The following CPT1C variants were observed in gnomAD, a reference collection of about 807,000 sequenced individuals.
The protein encoded by CPT1C is palmitoyl thioesterase CPT1C.
In CPT1C, 61 loss-of-function variants were observed where a neutral mutation model predicts 97.3. The ratio of observed to expected loss-of-function variants is 0.63; its 90% CI spans 0.51 to 0.78. CPT1C has a LOEUF of 0.78. Among genes scored for constraint, CPT1C ranks in the 30% least tolerant of loss-of-function variants. The pLI is 0.00. For missense variants in CPT1C, 975 were observed against 1,065.5 expected (o/e 0.92, Z 1.18); for synonymous variants, 469 against 447.2 (o/e 1.05, Z -0.61).
chr19:49,695,090 G>A (rs557852391), intron 3 of CPT1C, among the ~76,000 whole-genome samples: 13 of 150,212 alleles, frequency 8.7e-5, no homozygotes, highest in African/African-American at 2.4e-4. Flanking sequence ...GCAGTGAGCC[G>A]AGATCGTGCC....
Position 49,706,212 on chromosome 19 carries a change from C to T in CPT1C, c.1161-19C>T. 2 of 1,537,758 alleles carry T rather than the reference C, an allele frequency of 1.3e-6. No individual in the cohort carries two copies. The highest frequency in any genetic ancestry group is 1.3e-5 in the South Asian group (1 of 79,454). On this transcript the variant is annotated intron_variant, in intron 11 of 19. Coordinates refer to ENST00000598293, the MANE Select transcript of CPT1C (RefSeq NM_001199753.2). The surrounding 1 kb of genome is among the most constrained non-coding windows in gnomAD (Gnocchi z 4.8). ...GGCGGCTGGGCAGGATGGACTCAGG[C>T]ACATCCCGGGCCCTCCAGGGGCACG...
intron 17 of CPT1C, chr19:49,712,320 G>A (rs1216201833): frequency 3.3e-6 from 1 of 304,152 alleles, no homozygotes; most frequent in Non-Finnish European, 6.0e-6. Flanking sequence ...CTCCAGCCTG[G>A]ACGACAGAGC....
rs777169912 is a variant in CPT1C, at chr19:49,705,293, A to G, written c.959A>G (p.Gln320Arg). 6.3e-7 allele frequency: 1 copy of G among 1,594,924 alleles called. No individual in the cohort carries two copies. The highest frequency in any genetic ancestry group is 8.6e-7 in the Non-Finnish European group (1 of 1,166,304). ...AACACCACGCGGATTCCAGGGGTCC[A>G]AAAAGGTGAGACCCTCTCCTGTCCC... The part of the protein sequence containing the change: ...IFNTTRIPGV[Q>R]KDYIRHLHDS... The change falls in exon 10 of 20, where the codon CAA becomes CGA. Residue 320 changes from glutamine to arginine, a missense_variant. By Grantham distance (43) the Gln-to-Arg change is conservative. Coordinates refer to ENST00000598293, the MANE Select transcript of CPT1C (RefSeq NM_001199753.2).
Position 49,700,676 on chromosome 19 carries a change from C to T in CPT1C, c.282-8C>T. 1 of 1,606,062 alleles carries T rather than the reference C, an allele frequency of 6.2e-7. No homozygotes were observed. Among genetic ancestry groups the T allele is most frequent in the Non-Finnish European group, 8.5e-7 (1 of 1,179,782 alleles). ...ACCCAGGCCCAGCCTCTGTTTCTCTCCCCGCAGGGGTGGACAACACCACGG... is the reference window on the plus strand; with the variant it reads ...ACCCAGGCCCAGCCTCTGTTTCTCTTCCCGCAGGGGTGGACAACACCACGG... On this transcript the variant is annotated splice_polypyrimidine_tract_variant and splice_region_variant and intron_variant, in intron 4 of 19. Coordinates refer to ENST00000598293, the MANE Select transcript of CPT1C (RefSeq NM_001199753.2).
chr19:49,707,075 G>A (rs1031717980), intron 12 of CPT1C, among the ~76,000 whole-genome samples: 13 of 152,126 alleles, frequency 8.5e-5, no homozygotes, highest in African/African-American at 3.1e-4. Flanking sequence ...AGGAGTTTGA[G>A]ACCAGCCTGG....
rs977065972 is a variant in CPT1C, at chr19:49,706,680, C to G, written c.1343+267C>G. 1.3e-5 allele frequency among the ~76,000 whole-genome samples: 2 copies of G among 152,030 alleles called. No homozygotes were observed. The highest frequency in any genetic ancestry group is 2.9e-5 in the Non-Finnish European group (2 of 68,012). ...GAGACTCCCAAACCCCTGAGCTGGACCCTCCGACCCAGAGAACTCAGCATC... is the reference window on the plus strand; with the variant it reads ...GAGACTCCCAAACCCCTGAGCTGGAGCCTCCGACCCAGAGAACTCAGCATC... On this transcript the variant is annotated intron_variant, in intron 12 of 19. Coordinates refer to ENST00000598293, the MANE Select transcript of CPT1C (RefSeq NM_001199753.2). This position sits in a 1 kb window ranked among gnomAD's most constrained non-coding sequence, Gnocchi z 4.8.
rs144241299 is a variant in CPT1C, at chr19:49,710,718, C to T, written c.1732-5C>T. On this transcript the variant is annotated splice_polypyrimidine_tract_variant and splice_region_variant and intron_variant, in intron 15 of 19. Coordinates refer to ENST00000598293, the MANE Select transcript of CPT1C (RefSeq NM_001199753.2). The stretch of plus-strand genomic sequence containing the variant: ...CAGACTCCTCTTCTCCTCCCTGTCC[C>T]CCAGGACAGGGGTCAATTCTGCCTG... 9 of 1,611,038 alleles carry T rather than the reference C, an allele frequency of 5.6e-6. No individual in the cohort carries two copies. In the African/African-American group the frequency reaches 8.0e-5, roughly 14 times the overall value.
Position 49,698,367 on chromosome 19 carries a change from G to C in CPT1C, c.281+902G>C, listed in dbSNP as rs532517631. 4.6e-5 allele frequency among the ~76,000 whole-genome samples: 7 copies of C among 151,146 alleles called. No individual in the cohort carries two copies. The East Asian group carries it at 1.4e-3, about 30-fold the overall frequency. ...GCAACAGAGTGACACCCTGTCTCAA[G>C]AAAAAAGAAAAATAGCCAAGCATGG... On this transcript the variant is annotated intron_variant, in intron 4 of 19. Transcript: ENST00000598293.
chr19:49,698,649 C>A (rs112384921), intron 4 of CPT1C, among the ~76,000 whole-genome samples: 18,799 of 147,716 alleles, frequency 0.13, 1,269 homozygotes, highest in Middle Eastern at 0.24. Context: ...GGTGACAGAG[C>A]GAGACTCTGT....
At position 49,712,566 on chromosome 19, in the gene CPT1C, G is replaced by T. The variant is rs550236948; in HGVS notation, c.2020-170G>T. Reference sequence around the variant, plus strand: ...GGGACGTGGGTGTGGGTGGTGAGACGAGTGAGGGGCGTGGCCAGATAGGGC... The same window carrying T: ...GGGACGTGGGTGTGGGTGGTGAGACTAGTGAGGGGCGTGGCCAGATAGGGC... On this transcript the variant is annotated intron_variant, in intron 17 of 19. Transcript: ENST00000598293. The T allele has an allele frequency of 3.8e-5, 23 of 608,966 alleles. 1 individual carries two copies. The highest frequency in any genetic ancestry group is 3.6e-4 in the South Asian group (19 of 52,888). The allele number at this position is 608,966 out of a possible 1,614,324, so 37.7% of individuals were successfully genotyped here. A position where few individuals can be genotyped will look rare whatever the true frequency, so the allele number is the denominator to read the frequency against.
At chr19:49,704,661 C>T (rs761907400) in intron 7 of CPT1C, 49 bp from the exon 8 acceptor site, 5 of 1,466,968 alleles carry the variant, frequency 3.4e-6, no homozygotes, top group Non-Finnish European at 4.8e-6. Flanking sequence ...CTGTCCCTCC[C>T]CCAACAGGCC....
chr19:49,694,881 C>T (rs1185014386), intron 3 of CPT1C, among the ~76,000 whole-genome samples: 1 of 152,150 alleles, frequency 6.6e-6, no homozygotes, highest in Non-Finnish European at 1.5e-5. Context: ...TGGCTCACGC[C>T]TCTAATCCCA....
chr19:49,712,687 C>T (rs796320015), intron 17 of CPT1C, 49 bp from the exon 18 acceptor site: 8 of 1,400,586 alleles, frequency 5.7e-6, no homozygotes, highest in Admixed American at 5.1e-5. Context: ...AGCCAAGGGC[C>T]GGAACTGCAG....
intron 3 of CPT1C, among the ~76,000 whole-genome samples, chr19:49,694,083 ATAAAAAATAAATAAAT>A: frequency 7.0e-6 from 1 of 142,172 alleles, no homozygotes; most frequent in Middle Eastern, 3.5e-3. Flanking sequence ...ATAAAATAAA[ATAAAAAATAAATAAAT>A]AAATAAATAA....
At chr19:49,701,230 T>C in intron 5 of CPT1C, 87 bp from the exon 6 acceptor site, 3 of 1,090,094 alleles carry the variant, frequency 2.8e-6, no homozygotes, top group South Asian at 2.9e-5. Flanking sequence ...TCCTTCTCTT[T>C]GGGTTTCTGT....
Position 49,710,410 on chromosome 19 carries a change from A to G in CPT1C, c.1657A>G (p.Lys553Glu). ...CHVVPFSLFG[K>E]SFIRRCHLSS... ...TGTCGTTCCATTCTCCCTATTTGGC[A>G]AGAGCTTCATCCGACGCTGCCACCT... The change falls in exon 15 of 20, where the codon AAG becomes GAG. Residue 553 changes from lysine to glutamate, a missense_variant. By Grantham distance (56) the Lys-to-Glu change is moderately conservative. Coordinates refer to ENST00000598293, the MANE Select transcript of CPT1C (RefSeq NM_001199753.2). 6.2e-7 allele frequency: 1 copy of G among 1,614,106 alleles called. No homozygotes were observed. The highest frequency in any genetic ancestry group is 8.5e-7 in the Non-Finnish European group (1 of 1,180,026).
At position 49,712,843 on chromosome 19, in the gene CPT1C, C is replaced by T. The variant is rs769291130; in HGVS notation, c.2127C>T (p.Phe709=). ...YPDYVSSGGG[F]GPADDHGYGV... The stretch of plus-strand genomic sequence containing the variant: ...ACTATGTTTCCTCAGGCGGTGGATT[C>T]GGGCCTGTGAGTGGAGCTGGGCGCG... Residue 709 remains phenylalanine, a synonymous_variant, in exon 18 of 20, where the codon TTC becomes TTT. Transcript: ENST00000598293. The T allele has an allele frequency of 1.3e-6, 2 of 1,541,812 alleles. No homozygotes were observed. Among genetic ancestry groups the T allele is most frequent in the African/African-American group, 1.9e-5 (1 of 52,156 alleles).
chr19:49,697,305 G>C, intron 3 of CPT1C, 21 bp from the exon 4 acceptor site: 1 of 1,613,492 alleles, frequency 6.2e-7, no homozygotes, highest in Non-Finnish European at 8.5e-7. Flanking sequence ...TGATTCAATG[G>C]ATGCCCTTTC....
chr19:49,709,737 A>G (rs1411369092), intron 14 of CPT1C, among the ~76,000 whole-genome samples: 2 of 150,898 alleles, frequency 1.3e-5, no homozygotes, highest in Non-Finnish European at 3.0e-5. Flanking sequence ...TTTATTTTTA[A>G]TAGAGATGAG....
Sources: allele counts gnomAD v4.1 joint callset (sites outside exome capture counted in the v4.1 genomes callset), GRCh38; gene constraint gnomAD v4.1.1; non-coding constraint Gnocchi (gnomAD v3.1); transcripts MANE v1.5; gene names NCBI Gene and HGNC (gene_info 2026-07-23, HGNC 2026-07-21).